Variants in HNRNPA2B1 observed in about 807,000 individuals in gnomAD.
HNRNPA2B1 encodes the protein heterogeneous nuclear ribonucleoprotein A2/B1, also known as heterogeneous nuclear ribonucleoproteins A2/B1.
In HNRNPA2B1, 3 loss-of-function variants were observed where a neutral mutation model predicts 46.3. That is an observed-to-expected ratio of 0.06 (90% CI 0.03 to 0.17). The LOEUF is 0.17. HNRNPA2B1 is among the 10% of genes least tolerant of loss of function. The pLI is 1.00. For missense variants in HNRNPA2B1, 221 were observed against 418.9 expected (o/e 0.53, Z 4.12); for synonymous variants, 225 against 133.8 (o/e 1.68, Z -4.70).
Position 26,193,367 on chromosome 7 carries a change from T to G in HNRNPA2B1, c.848A>C (p.Tyr283Ser). ...GGYDNYGGGN[Y>S]GSGNYNDFGN... Reference sequence around the variant, plus strand: ...AAAATCATTGTAATTTCCACTTCCATAATTTCCTATTAAAAAATTGGAATA... The same window carrying G: ...AAAATCATTGTAATTTCCACTTCCAGAATTTCCTATTAAAAAATTGGAATA... The change falls in exon 9 of 11, where the codon TAT becomes TCT. Residue 283 changes from tyrosine (Y) to serine (S), a missense_variant. By Grantham distance (144) the Tyr-to-Ser change is moderately radical. Transcript: ENST00000618183. 6.2e-7 allele frequency: 1 copy of G among 1,610,242 alleles called. No individual in the cohort carries two copies. Among genetic ancestry groups the G allele is most frequent in the Non-Finnish European group, 8.5e-7 (1 of 1,176,742 alleles).
At chr7:26,196,761 T>C (rs1218861680) in intron 4 of HNRNPA2B1, 46 bp downstream of exon 4, 12 of 1,580,346 alleles carry the variant, frequency 7.6e-6, no homozygotes, top group Middle Eastern at 1.7e-4. Context: ...ATACACAAAA[T>C]TGAATACACT....
chr7:26,199,155 A>T (rs545561581), intron 1 of HNRNPA2B1: 1 of 152,592 alleles, frequency 6.6e-6, no homozygotes, highest in Non-Finnish European at 1.5e-5. Flanking sequence ...AAGTTTTACA[A>T]ATCACTAACA....
At chr7:26,195,116 C>CAAAAAAAAAAAAAAAAAAAAAA (rs1783399450) in intron 7 of HNRNPA2B1, among the ~76,000 whole-genome samples, 1 of 127,606 alleles carries the variant, frequency 7.8e-6, no homozygotes, top group Non-Finnish European at 1.6e-5. Flanking sequence ...AAAAAGAAAC[C>CAAAAAAAAAAAAAAAAAAAAAA]ATATTAAAAA....
chr7:26,199,733 C>G (rs981997743), intron 1 of HNRNPA2B1: 2 of 152,088 alleles, frequency 1.3e-5, no homozygotes, highest in Non-Finnish European at 2.9e-5. Flanking sequence ...GACTGCAGAC[C>G]CAGATAAAAC....
rs1260864227 is a variant in HNRNPA2B1 at position 26,190,543 on chromosome 7, G to A, written c.*1817C>T. On this transcript the variant is annotated 3_prime_UTR_variant, in exon 11 of 11. Coordinates refer to ENST00000618183, the MANE Select transcript of HNRNPA2B1 (RefSeq NM_002137.4). ...TAAACAACTTCAGTGGTGGTCTTAG[G>A]ATCAAAGAAGACTCATTGGTGTATA... The A allele has an allele frequency of 1.3e-5, 2 of 152,352 alleles. No homozygotes were observed. Among genetic ancestry groups the A allele is most frequent in the East Asian group, 1.9e-4 (1 of 5,192 alleles). 9.4% of individuals were successfully genotyped at this position (152,352 alleles called of 1,614,324 possible). A position where few individuals can be genotyped will look rare whatever the true frequency, so the allele number is the denominator to read the frequency against.
rs190486336 is a variant in HNRNPA2B1, at chr7:26,195,795, T to C, written c.721+52A>G. The C allele has an allele frequency of 3.7e-5, 58 of 1,578,950 alleles. No homozygotes were observed. In the East Asian group the frequency reaches 8.9e-4, roughly 24 times the overall value. ...AAATATAAATGAAGTAAATATACGA[T>C]ATAGTTAAGTATTAGTCACATAAAC... is the stretch of plus-strand genomic sequence containing the variant. On this transcript the variant is annotated intron_variant, in intron 7 of 10. Transcript: ENST00000618183.
chr7:26,200,212 C>G (rs1399546139), intron 1 of HNRNPA2B1: 2 of 309,302 alleles, frequency 6.5e-6, no homozygotes, highest in Admixed American at 9.5e-5. Flanking sequence ...GACCTGCTGC[C>G]CGCCGAAACG....
intron 1 of HNRNPA2B1, 110 bp downstream of exon 1, chr7:26,200,462 T>C (rs2128132647): frequency 9.4e-7 from 1 of 1,068,446 alleles, no homozygotes; most frequent in Non-Finnish European, 1.4e-6. Context: ...GCTACTGAAT[T>C]GGTCCGATTT....
At position 26,196,475 on chromosome 7, in the gene HNRNPA2B1, AAGTTGC is replaced by A. The variant is rs779850662; in HGVS notation, c.578_583del (p.Gly193_Phe195delinsVal). On this transcript the variant is annotated inframe_deletion and splice_region_variant, in exon 6 of 11. Coordinates refer to ENST00000618183, the MANE Select transcript of HNRNPA2B1 (RefSeq NM_002137.4). The stretch of plus-strand genomic sequence containing the variant: ...GCCACCACGTGAATCCCCAAAGCCA[AAGTTGC>A]CTACAATAAATGCCCCAGTTAGAAG... 2 of 1,614,194 alleles carry A rather than the reference AAGTTGC, an allele frequency of 1.2e-6. No individual in the cohort carries two copies. The highest frequency in any genetic ancestry group is 1.7e-6 in the Non-Finnish European group (2 of 1,180,032).
At chr7:26,193,186 T>A (rs1783108627) in intron 9 of HNRNPA2B1, 65 bp downstream of exon 9, 1 of 1,455,076 alleles carries the variant, frequency 6.9e-7, no homozygotes, top group East Asian at 2.3e-5. Context: ...TATCTTCCCT[T>A]TAAGTCACAA....
At position 26,196,475 on chromosome 7, in the gene HNRNPA2B1, A is replaced by G; in HGVS notation, c.584T>C (p.Phe195Ser). The stretch of plus-strand genomic sequence containing the variant: ...GCCACCACGTGAATCCCCAAAGCCA[A>G]AGTTGCCTACAATAAATGCCCCAGT... ...QSSRSGRGGN[F>S]GFGDSRGGGG... The change falls in exon 6 of 11, where the codon TTT becomes TCT. Residue 195 changes from phenylalanine (F) to serine (S), a missense_variant. Around this residue, in one of 2 missense-constraint regions of HNRNPA2B1, gnomAD observed 143 missense variants for 200.5 expected, o/e 0.71. Coordinates refer to ENST00000618183, the MANE Select transcript of HNRNPA2B1 (RefSeq NM_002137.4). 5 of 1,614,194 alleles carry G rather than the reference A, an allele frequency of 3.1e-6. No homozygotes were observed. Among genetic ancestry groups the G allele is most frequent in the Non-Finnish European group, 4.2e-6 (5 of 1,180,032 alleles).
At chr7:26,199,733 C>A (rs981997743) in intron 1 of HNRNPA2B1, 1 of 152,088 alleles carries the variant, frequency 6.6e-6, no homozygotes, top group African/African-American at 2.4e-5. Flanking sequence ...GACTGCAGAC[C>A]CAGATAAAAC....
intron 8 of HNRNPA2B1, 98 bp from the exon 9 acceptor site, chr7:26,193,471 C>CA (rs1429086282): frequency 6.5e-6 from 10 of 1,528,132 alleles, no homozygotes; most frequent in Middle Eastern, 1.7e-4. Flanking sequence ...CACTTATCCA[C>CA]AAATTTTATG....
rs999761465 is a variant in HNRNPA2B1, at chr7:26,194,599, G to A, written c.722-905C>T. ...CCCCGTAGTTCCAGCTACCCAGGAG[G>A]CTGAGGTGGGAGGATGGCTTGAGAC... On this transcript the variant is annotated intron_variant, in intron 7 of 10. Transcript: ENST00000618183. Among the ~76,000 whole-genome samples, 7 of 151,372 alleles carry A rather than the reference G, an allele frequency of 4.6e-5. 1 individual carries two copies. Among genetic ancestry groups the A allele is most frequent in the Admixed American group, 2.0e-4 (3 of 15,206 alleles).
chr7:26,195,594 A>T lies in HNRNPA2B1; in HGVS notation c.721+253T>A, dbSNP rs1783488149. ...CACGTACAAAGATATATCTAGATCC[A>T]ATCATTTTGCTTGAGAAAAGATGAG... On this transcript the variant is annotated intron_variant, in intron 7 of 10. Transcript: ENST00000618183. The T allele has an allele frequency of 3.1e-5, 15 of 482,328 alleles. No homozygotes were observed. In the South Asian group the frequency reaches 3.8e-4, roughly 12 times the overall value. 29.9% of individuals were successfully genotyped at this position (482,328 alleles called of 1,614,324 possible).
At chr7:26,197,496 C>T (rs1203444094) in intron 2 of HNRNPA2B1, 35 bp from the exon 3 acceptor site, 1 of 1,600,574 alleles carries the variant, frequency 6.2e-7, no homozygotes, top group South Asian at 1.1e-5. Context: ...AGCATTTAAT[C>T]TCATTATAGC....
chr7:26,197,581 T>G, intron 2 of HNRNPA2B1, 41 bp downstream of exon 2: 1 of 1,570,294 alleles, frequency 6.4e-7, no homozygotes, highest in South Asian at 1.1e-5. Context: ...AACATACAGC[T>G]AAAAGACTAA....
chr7:26,192,217 G>A lies in HNRNPA2B1; in HGVS notation c.*143C>T. 3.3e-6 allele frequency: 1 copy of A among 301,618 alleles called. No homozygotes were observed. Among genetic ancestry groups the A allele is most frequent in the Non-Finnish European group, 6.2e-6 (1 of 160,692 alleles). The allele number at this position is 301,618 out of a possible 1,614,324, so 18.7% of individuals were successfully genotyped here. ...CTCTGCATCTGCTCTGGTGTCTTCT[G>A]CCATATCACTGCATATTTATGCATG... On this transcript the variant is annotated 3_prime_UTR_variant, in exon 11 of 11. Coordinates refer to ENST00000618183, the MANE Select transcript of HNRNPA2B1 (RefSeq NM_002137.4).
In HNRNPA2B1 at chr7:26,191,637, A is replaced by G. The variant is rs1031279786; in HGVS notation, c.*723T>C. On this transcript the variant is annotated 3_prime_UTR_variant, in exon 11 of 11. Coordinates refer to ENST00000618183, the MANE Select transcript of HNRNPA2B1 (RefSeq NM_002137.4). The stretch of plus-strand genomic sequence containing the variant: ...TTTCCTTTCCTTGCATTGAAGAAGC[A>G]GCATCTAAAAGATCTAAAAAGGTGT... 9 of 152,222 alleles carry G rather than the reference A, an allele frequency of 5.9e-5. No homozygotes were observed. Among genetic ancestry groups the G allele is most frequent in the African/African-American group, 1.9e-4 (8 of 41,452 alleles). The allele number at this position is 152,222 out of a possible 1,614,324, so 9.4% of individuals were successfully genotyped here.
Sources: gnomAD v4.1 joint callset for allele counts (sites outside exome capture counted in the v4.1 genomes callset) on GRCh38, gnomAD v4.1.1 for gene constraint, gnomAD v4.1.1 regional missense constraint, MANE v1.5 for transcripts, NCBI Gene and HGNC (gene_info 2026-07-23, HGNC 2026-07-21) for gene names.